Variants in HMCN2 observed in about 807,000 individuals in gnomAD.
HMCN2 encodes hemicentin 2.
In HMCN2, 325 loss-of-function variants were observed where a neutral mutation model predicts 377.5. That is an observed-to-expected ratio of 0.86 (90% confidence interval 0.79 to 0.94). HMCN2 has a LOEUF of 0.94. Ranked by LOEUF, HMCN2 falls within the 40% of genes least tolerant of loss-of-function variation. The pLI, the probability that HMCN2 is intolerant of heterozygous loss-of-function variation, is 0.00. For missense variants in HMCN2, 4,543 were observed against 4,725.3 expected (o/e 0.96, Z 1.13); for synonymous variants, 2,007 against 2,046.8 (o/e 0.98, Z 0.53).
In HMCN2 at chr9:130,351,249, G is replaced by A. The variant is rs891675264; in HGVS notation, c.4431-174G>A. ...CTGAATAATGTTCCGTGGCATGGACGGACCACACGTTGTTGATCCATTCCT... is the reference window on the plus strand; with the variant it reads ...CTGAATAATGTTCCGTGGCATGGACAGACCACACGTTGTTGATCCATTCCT... On this transcript the variant is annotated intron_variant, in intron 29 of 97. Coordinates refer to ENST00000683500, the MANE Select transcript of HMCN2 (RefSeq NM_001291815.2). The surrounding 1 kb of genome is among the most constrained non-coding windows in gnomAD (Gnocchi z 5.4). 1.3e-5 allele frequency among the ~76,000 whole-genome samples: 2 copies of A among 152,166 alleles called. No individual in the cohort carries two copies. The highest frequency in any genetic ancestry group is 2.4e-5 in the African/African-American group (1 of 41,432).
At position 130,389,231 on chromosome 9, in the gene HMCN2, T is replaced by C. The variant is rs150082991; in HGVS notation, c.9523+691T>C. ...CCCCTCTCTCTCAGTAACAGCTTTA[T>C]TGGGATATAATTCACACACTATATA... On this transcript the variant is annotated intron_variant, in intron 62 of 97. Transcript: ENST00000683500. Among the ~76,000 whole-genome samples the C allele has an allele frequency of 3.9e-4, 59 of 152,310 alleles. 1 individual carries two copies. The highest frequency in any genetic ancestry group is 1.2e-3 in the African/African-American group (50 of 41,570).
chr9:130,312,539 C>CCCTCCCTCCCTTCTTT (rs1554939344), intron 15 of HMCN2, among the ~76,000 whole-genome samples: 2 of 6,634 alleles, frequency 3.0e-4, no homozygotes, highest in Admixed American at 1.4e-3. Flanking sequence ...CTCCCTCCCT[C>CCCTCCCTCCCTTCTTT]CTTTCTTTCT....
In HMCN2 at chr9:130,304,230, A is replaced by G. The variant is rs1416229183; in HGVS notation, c.1544-500A>G. ...TTTTAGGTTTTTTTCTATGTTCAGC[A>G]GTCTCTGATCTTGCCACTTCTTGTG... On this transcript the variant is annotated intron_variant, in intron 10 of 97. Coordinates refer to ENST00000683500, the MANE Select transcript of HMCN2 (RefSeq NM_001291815.2). The surrounding 1 kb of genome is among the most constrained non-coding windows in gnomAD (Gnocchi z 4.3). Among the ~76,000 whole-genome samples, 1 of 152,150 alleles carries G rather than the reference A, an allele frequency of 6.6e-6. No individual in the cohort carries two copies. Among genetic ancestry groups the G allele is most frequent in the Non-Finnish European group, 1.5e-5 (1 of 68,024 alleles).
At chr9:130,403,592 G>A in intron 79 of HMCN2, 149 bp from the exon 80 acceptor site, 1 of 925,670 alleles carries the variant, frequency 1.1e-6, no homozygotes, top group Admixed American at 3.4e-5. Context: ...TGGGCTCAGG[G>A]TCAGGCTTCT....
At position 130,424,841 on chromosome 9, in the gene HMCN2, G is replaced by T; in HGVS notation, c.13447G>T (p.Gly4483Trp). The change falls in exon 88 of 98, where the codon GGG becomes TGG. Residue 4483 changes from glycine (G) to tryptophan (W), a missense_variant. Around this residue, in one of 5 missense-constraint regions of HMCN2, gnomAD observed 1,155 missense variants for 1,157.7 expected, o/e 1.00. Transcript: ENST00000683500. The stretch of plus-strand genomic sequence containing the variant: ...CTACTGGGCCCTGGCCAGAGAGAGT[G>T]GGGAAGCCCTGAATGGCCACTCTCT... ...PIYWALARES[G>W]EALNGHSLTG... 1.3e-6 allele frequency: 2 copies of T among 1,505,570 alleles called. No homozygotes were observed. The highest frequency in any genetic ancestry group is 2.2e-5 in the Admixed American group (1 of 44,842). The allele number at this position is 1,505,570 out of a possible 1,614,324, so 93.3% of individuals were successfully genotyped here.
At chr9:130,272,461 G>A (rs1460557895) in intron 1 of HMCN2, among the ~76,000 whole-genome samples, 1 of 124,630 alleles carries the variant, frequency 8.0e-6, no homozygotes, top group Non-Finnish European at 2.0e-5. Flanking sequence ...GGCTGGTCTT[G>A]AACTCCTGAC....
At chr9:130,329,902 C>G (rs1374478867) in intron 22 of HMCN2, among the ~76,000 whole-genome samples, 1 of 152,146 alleles carries the variant, frequency 6.6e-6, no homozygotes, top group Non-Finnish European at 1.5e-5. Flanking sequence ...GACCAGAACA[C>G]AGAGACTTAA....
intron 51 of HMCN2, among the ~76,000 whole-genome samples, 186 bp downstream of exon 51, chr9:130,376,175 A>T (rs7022412): frequency 0.63 from 95,885 of 151,966 alleles, 32,096 homozygotes; most frequent in East Asian, 0.84. Flanking sequence ...GAGTTAGGGC[A>T]TGTGCCACTT....
At chr9:130,327,015 G>A (rs1838169720) in intron 21 of HMCN2, among the ~76,000 whole-genome samples, 2 of 151,930 alleles carry the variant, frequency 1.3e-5, no homozygotes, top group Admixed American at 1.3e-4. Flanking sequence ...GCAGGATGAA[G>A]AGAAGCCAGA....
chr9:130,335,831 C>T (rs1838720090), intron 22 of HMCN2, among the ~76,000 whole-genome samples: 1 of 152,216 alleles, frequency 6.6e-6, no homozygotes. Flanking sequence ...AGGGGCACGT[C>T]TTCATGTCCT....
chr9:130,380,193 TC>T (rs1307175509), intron 54 of HMCN2, among the ~76,000 whole-genome samples: 3 of 152,268 alleles, frequency 2.0e-5, no homozygotes, highest in African/African-American at 7.2e-5. Context: ...TTTTGTTTTT[TC>T]TTTCACCACC....
intron 32 of HMCN2, 26 bp from the exon 33 acceptor site, chr9:130,355,720 C>T (rs1839989621): frequency 7.9e-7 from 1 of 1,271,832 alleles, no homozygotes; most frequent in Non-Finnish European, 1.0e-6. Context: ...CAGCTCCAAA[C>T]ACCCAGGAGT....
At chr9:130,363,072 G>A in intron 40 of HMCN2, 82 bp downstream of exon 40, 1 of 975,884 alleles carries the variant, frequency 1.0e-6, no homozygotes, top group Non-Finnish European at 1.2e-6. Context: ...ACTTCCAAAA[G>A]GAGAGAGGCT....
intron 15 of HMCN2, among the ~76,000 whole-genome samples, chr9:130,316,046 C>T (rs968001597): frequency 4.2e-3 from 642 of 152,278 alleles, no homozygotes; most frequent in African/African-American, 0.014. Flanking sequence ...CACGGTCCAG[C>T]CTGTGCCCTG....
At chr9:130,357,270 ATGGG>A (rs1407611804) in intron 34 of HMCN2, among the ~76,000 whole-genome samples, 1 of 117,626 alleles carries the variant, frequency 8.5e-6, no homozygotes, top group African/African-American at 3.3e-5. Flanking sequence ...AGATGGATGA[ATGGG>A]TGGGTGGGTG....
chr9:130,333,745 G>A (rs1838559211), intron 22 of HMCN2, among the ~76,000 whole-genome samples: 1 of 152,324 alleles, frequency 6.6e-6, no homozygotes, highest in South Asian at 2.1e-4. Context: ...GGAATGTAGC[G>A]GGAGAGTGGT....
intron 15 of HMCN2, among the ~76,000 whole-genome samples, chr9:130,315,106 G>T (rs1837461953): frequency 2.0e-5 from 3 of 151,190 alleles, no homozygotes; most frequent in South Asian, 2.1e-4. Context: ...CCTGCAGGGG[G>T]TCAGCAGCCT....
At chr9:130,295,517 G>C in intron 5 of HMCN2, 149 bp from the exon 6 acceptor site, 1 of 339,638 alleles carries the variant, frequency 2.9e-6, no homozygotes, top group Non-Finnish European at 5.9e-6. Flanking sequence ...CGTGGAGTGA[G>C]GCAGTGGCCG....
At chr9:130,331,194 G>T (rs1027809389) in intron 22 of HMCN2, among the ~76,000 whole-genome samples, 1 of 151,654 alleles carries the variant, frequency 6.6e-6, no homozygotes, top group African/African-American at 2.4e-5. Flanking sequence ...ATTCCAGGGC[G>T]CTCGGCTCCC....
Sources: gnomAD v4.1 joint callset for allele counts (sites outside exome capture counted in the v4.1 genomes callset) on GRCh38, gnomAD v4.1.1 for gene constraint, gnomAD v4.1.1 regional missense constraint, Gnocchi (gnomAD v3.1) non-coding constraint, MANE v1.5 for transcripts, NCBI Gene and HGNC (gene_info 2026-07-23, HGNC 2026-07-21) for gene names.